LURAP1L: variants seen among roughly 807,000 people sequenced by gnomAD.
LURAP1L encodes leucine rich adaptor protein 1 like, also known as leucine rich adaptor protein 1-like.
In LURAP1L, 12 loss-of-function variants were observed where a neutral mutation model predicts 13.8. That is an observed-to-expected ratio of 0.87 (90% CI 0.56 to 1.41). The LOEUF (loss-of-function observed/expected upper bound fraction) is 1.41, where lower values mean the gene tolerates loss of function less well. Ranked by LOEUF, LURAP1L falls within the 40% of genes most tolerant of loss-of-function variation. The pLI, the probability that LURAP1L is intolerant of heterozygous loss-of-function variation, is 0.00. For missense variants in LURAP1L, 375 were observed against 292.9 expected (o/e 1.28, Z -2.04); for synonymous variants, 139 against 119.2 (o/e 1.17, Z -1.08).
chr9:12,793,666 A>G (rs1819475013), intron 1 of LURAP1L, among the ~76,000 whole-genome samples: 1 of 152,098 alleles, frequency 6.6e-6, no homozygotes, highest in Non-Finnish European at 1.5e-5. Context: ...AAATTTTGAG[A>G]AGATCTTAAT....
intron 1 of LURAP1L, among the ~76,000 whole-genome samples, chr9:12,788,158 A>G (rs959845345): frequency 3.5e-5 from 5 of 143,870 alleles, no homozygotes; most frequent in African/African-American, 1.3e-4. Context: ...GAAGAAAGAA[A>G]GAAAGAAAGA....
rs113607184 is a variant in LURAP1L, at chr9:12,779,176, C to T, written c.312+3149C>T. 5.6e-3 allele frequency among the ~76,000 whole-genome samples: 836 copies of T among 149,456 alleles called. 10 individuals are homozygous for T. The highest frequency in any genetic ancestry group is 0.018 in the African/African-American group (753 of 40,942). ...AGCCATAGATAAGGGTGTACTACTACATTTGGTTACTTTGGTGAGACTTTA... is the reference window on the plus strand; with the variant it reads ...AGCCATAGATAAGGGTGTACTACTATATTTGGTTACTTTGGTGAGACTTTA... On this transcript the variant is annotated intron_variant, in intron 1 of 1. Coordinates refer to ENST00000319264, the MANE Select transcript of LURAP1L (RefSeq NM_203403.2).
At chr9:12,798,401 C>T (rs1819538094) in intron 1 of LURAP1L, among the ~76,000 whole-genome samples, 1 of 152,176 alleles carries the variant, frequency 6.6e-6, no homozygotes, top group South Asian at 2.1e-4. Flanking sequence ...TAGCAAACTA[C>T]AAGTTGTATA....
chr9:12,799,223 T>A (rs894369448), intron 1 of LURAP1L, among the ~76,000 whole-genome samples: 9 of 152,348 alleles, frequency 5.9e-5, no homozygotes, highest in East Asian at 3.9e-4. Context: ...AACGCAGTAC[T>A]CTGACTCCAA....
chr9:12,820,716 G>C (rs1480737594), intron 1 of LURAP1L, among the ~76,000 whole-genome samples: 1 of 152,094 alleles, frequency 6.6e-6, no homozygotes, highest in Admixed American at 6.5e-5. Context: ...GGGAATATTA[G>C]AGCAATTTGG....
intron 1 of LURAP1L, among the ~76,000 whole-genome samples, chr9:12,797,732 G>A (rs1451059366): frequency 1.3e-5 from 2 of 152,060 alleles, no homozygotes; most frequent in Non-Finnish European, 2.9e-5. Context: ...TGCTTTAATA[G>A]AGAAATATCA....
At chr9:12,786,396 C>A (rs1331006632) in intron 1 of LURAP1L, among the ~76,000 whole-genome samples, 2 of 151,150 alleles carry the variant, frequency 1.3e-5, no homozygotes, top group Non-Finnish European at 3.0e-5. Context: ...CAGAACATTG[C>A]ATTCTTCAAT....
At chr9:12,818,656 G>C (rs751937512) in intron 1 of LURAP1L, among the ~76,000 whole-genome samples, 2 of 152,186 alleles carry the variant, frequency 1.3e-5, no homozygotes, top group Non-Finnish European at 2.9e-5. Flanking sequence ...AGTGCTTGAC[G>C]AGAGAAGTAT....
At chr9:12,779,516 C>T (rs536361285) in intron 1 of LURAP1L, among the ~76,000 whole-genome samples, 2 of 152,134 alleles carry the variant, frequency 1.3e-5, no homozygotes, top group South Asian at 4.2e-4. Context: ...CCTCGTGATC[C>T]GCCACGGCCT....
At chr9:12,786,194 C>T (rs1819347461) in intron 1 of LURAP1L, among the ~76,000 whole-genome samples, 1 of 151,986 alleles carries the variant, frequency 6.6e-6, no homozygotes, top group South Asian at 2.1e-4. Context: ...ATAATATAAG[C>T]AAATTACTGA....
intron 1 of LURAP1L, among the ~76,000 whole-genome samples, chr9:12,794,792 G>C (rs1242615321): frequency 6.6e-6 from 1 of 151,672 alleles, no homozygotes; most frequent in Non-Finnish European, 1.5e-5. Context: ...ATCTCTGCTT[G>C]TAGAAGTGTT....
intron 1 of LURAP1L, among the ~76,000 whole-genome samples, chr9:12,792,664 T>G (rs1336539323): frequency 1.3e-5 from 2 of 152,096 alleles, no homozygotes; most frequent in African/African-American, 4.8e-5. Context: ...TTAGATTTAC[T>G]TTTTTAAAAT....
intron 1 of LURAP1L, among the ~76,000 whole-genome samples, chr9:12,786,669 G>A (rs1819360877): frequency 2.0e-5 from 3 of 147,944 alleles, no homozygotes; most frequent in Non-Finnish European, 3.0e-5. Flanking sequence ...CATCTGGGAT[G>A]CTCATGATAA....
Position 12,775,922 on chromosome 9 carries a change from G to GTCGTCCTCCTCT in LURAP1L, c.217_228dup (p.Ser73_Ser76dup). ...GCTACTGCAGCTTCCCTCCCTCCTT[G>GTCGTCCTCCTCT]TCGTCCTCCTCTTCGTCCTCCCCAA... On this transcript the variant is annotated inframe_insertion, in exon 1 of 2. Transcript: ENST00000319264. 1 of 1,572,070 alleles carries GTCGTCCTCCTCT rather than the reference G, an allele frequency of 6.4e-7. No individual in the cohort carries two copies. The highest frequency in any genetic ancestry group is 2.4e-5 in the East Asian group (1 of 42,134).
chr9:12,775,669 T>G lies in LURAP1L; in HGVS notation c.-47T>G, dbSNP rs1403461018. On this transcript the variant is annotated 5_prime_UTR_variant, in exon 1 of 2. Transcript: ENST00000319264. Reference sequence around the variant, plus strand: ...AGCAGCCTTCGAAGCCGTGGCTGCCTTTCATCTGCTGCGTTTTATTACTAT... The same window carrying G: ...AGCAGCCTTCGAAGCCGTGGCTGCCGTTCATCTGCTGCGTTTTATTACTAT... The G allele has an allele frequency of 6.6e-7, 1 of 1,524,838 alleles. No homozygotes were observed. Among genetic ancestry groups the G allele is most frequent in the Admixed American group, 2.2e-5 (1 of 44,566 alleles). 94.5% of individuals were successfully genotyped at this position (1,524,838 alleles called of 1,614,324 possible). A position where few individuals can be genotyped will look rare whatever the true frequency, so the allele number is the denominator to read the frequency against.
At chr9:12,780,722 C>G (rs1467943810) in intron 1 of LURAP1L, among the ~76,000 whole-genome samples, 1 of 127,940 alleles carries the variant, frequency 7.8e-6, no homozygotes, top group Non-Finnish European at 1.7e-5. Context: ...TTTGGCATTC[C>G]TTTAAAAATA....
chr9:12,821,821 G>A lies in LURAP1L; in HGVS notation c.*61G>A, dbSNP rs184704137. On this transcript the variant is annotated 3_prime_UTR_variant, in exon 2 of 2. Coordinates refer to ENST00000319264, the MANE Select transcript of LURAP1L (RefSeq NM_203403.2). ...CTTGTATTTATCCTTCTTCTCCGCT[G>A]CTATATTTTTGGTGTGATTTTTATT... is the stretch of plus-strand genomic sequence containing the variant. 3.7e-5 allele frequency: 56 copies of A among 1,523,822 alleles called. No homozygotes were observed. In the East Asian group the frequency reaches 1.3e-3, roughly 34 times the overall value. 94.4% of individuals were successfully genotyped at this position (1,523,822 alleles called of 1,614,324 possible).
chr9:12,789,202 G>C (rs1819406533), intron 1 of LURAP1L, among the ~76,000 whole-genome samples: 1 of 152,092 alleles, frequency 6.6e-6, no homozygotes, highest in South Asian at 2.1e-4. Flanking sequence ...CCACAACTCT[G>C]TGTTTTTCTA....
chr9:12,777,692 A>G, intron 1 of LURAP1L: 1 of 541,602 alleles, frequency 1.8e-6, no homozygotes, highest in Non-Finnish European at 2.4e-6. Flanking sequence ...TAACATTTCC[A>G]AAAACCGATG....
Sources: allele counts gnomAD v4.1 joint callset (sites outside exome capture counted in the v4.1 genomes callset), GRCh38; gene constraint gnomAD v4.1.1; transcripts MANE v1.5; gene names NCBI Gene and HGNC (gene_info 2026-07-23, HGNC 2026-07-21).